Variants in CDH13 observed in about 807,000 individuals in gnomAD.
CDH13 encodes the protein cadherin-13.
Under a neutral mutation model 63.8 loss-of-function variants are expected in CDH13, and 24 were observed. The ratio of observed to expected loss-of-function variants is 0.38; its 90% CI spans 0.27 to 0.53. The LOEUF (loss-of-function observed/expected upper bound fraction) is 0.53. Among genes scored for constraint, CDH13 ranks in the 20% least tolerant of loss-of-function variants. CDH13 has a pLI of 0.85. For synonymous variants in CDH13, 503 were observed against 355.3 expected (o/e 1.42, Z -4.67); for missense variants, 1,049 against 903.1 (o/e 1.16, Z -2.07).
intron 3 of CDH13, among the ~76,000 whole-genome samples, chr16:83,049,144 C>T (rs934361364): frequency 1.3e-5 from 2 of 152,042 alleles, no homozygotes; most frequent in African/African-American, 2.4e-5. Flanking sequence ...TACTTAATTA[C>T]TTTCTAATGT....
chr16:82,749,434 G>A (rs957913465), intron 1 of CDH13, among the ~76,000 whole-genome samples: 1 of 152,204 alleles, frequency 6.6e-6, no homozygotes, highest in Non-Finnish European at 1.5e-5. Flanking sequence ...CGTGACAGGA[G>A]TGGGGCAGGA....
At chr16:82,763,795 A>C (rs1242862630) in intron 1 of CDH13, among the ~76,000 whole-genome samples, 7 of 152,058 alleles carry the variant, frequency 4.6e-5, no homozygotes, top group Non-Finnish European at 8.8e-5. Context: ...TGATCCTCCC[A>C]CCTCAGCCTC....
At chr16:83,433,482 TA>T (rs2072192190) in intron 6 of CDH13, among the ~76,000 whole-genome samples, 1 of 152,216 alleles carries the variant, frequency 6.6e-6, no homozygotes, top group South Asian at 2.1e-4. Flanking sequence ...TGACCCCATG[TA>T]AAGAGCATCA....
At chr16:83,572,318 C>T (rs900176950) in intron 7 of CDH13, among the ~76,000 whole-genome samples, 1 of 152,086 alleles carries the variant, frequency 6.6e-6, no homozygotes, top group Non-Finnish European at 1.5e-5. Flanking sequence ...TCCCGAGTAG[C>T]TGGGAAGAGA....
At chr16:82,788,454 C>G (rs535772383) in intron 1 of CDH13, among the ~76,000 whole-genome samples, 3 of 152,124 alleles carry the variant, frequency 2.0e-5, no homozygotes, top group South Asian at 2.1e-4. Context: ...TGGGCATTTT[C>G]CAGCGTCACT....
intron 3 of CDH13, among the ~76,000 whole-genome samples, chr16:83,087,749 C>G (rs572237602): frequency 8.4e-5 from 12 of 143,038 alleles, no homozygotes; most frequent in African/African-American, 2.8e-4. Context: ...TGTTCTCATA[C>G]TTTCATTGAA....
At chr16:83,042,435 C>T (rs998720702) in intron 3 of CDH13, among the ~76,000 whole-genome samples, 5 of 152,172 alleles carry the variant, frequency 3.3e-5, no homozygotes, top group African/African-American at 1.2e-4. Context: ...GTCACTGTCT[C>T]CCATCACCCC....
At chr16:82,919,937 G>A (rs1252028510) in intron 2 of CDH13, among the ~76,000 whole-genome samples, 1 of 152,206 alleles carries the variant, frequency 6.6e-6, no homozygotes, top group African/African-American at 2.4e-5. Context: ...AACACGTTTT[G>A]TGAATTTTAA....
chr16:82,627,228 T>G, intron 1 of CDH13, 91 bp downstream of exon 1: 2 of 1,117,064 alleles, frequency 1.8e-6, no homozygotes, highest in Non-Finnish European at 2.7e-6. Flanking sequence ...TTTCGGGGGG[T>G]CGGGGCCTCC....
chr16:82,861,690 C>G (rs1019863868), intron 2 of CDH13, among the ~76,000 whole-genome samples: 4 of 152,212 alleles, frequency 2.6e-5, no homozygotes, highest in African/African-American at 9.6e-5. Flanking sequence ...ACATCTTTCT[C>G]TCAGTTGTTC....
At chr16:82,929,591 G>A (rs922504862) in intron 2 of CDH13, among the ~76,000 whole-genome samples, 1 of 139,810 alleles carries the variant, frequency 7.2e-6, no homozygotes, top group Admixed American at 7.8e-5. Context: ...GGCGGAGCTT[G>A]CAGTGAGCAA....
chr16:82,858,647 A>T, intron 2 of CDH13, 174 bp downstream of exon 2: 1 of 646,870 alleles, frequency 1.5e-6, no homozygotes. Context: ...TGGCCAACTT[A>T]GAGGTTAATA....
intron 4 of CDH13, among the ~76,000 whole-genome samples, chr16:83,173,279 C>G (rs143728701): frequency 5.3e-5 from 8 of 152,052 alleles, no homozygotes; most frequent in South Asian, 2.1e-4. Flanking sequence ...GACATTTAAA[C>G]TACTTTATTG....
chr16:83,244,269 G>A (rs1191795944), intron 5 of CDH13, among the ~76,000 whole-genome samples: 1 of 152,032 alleles, frequency 6.6e-6, no homozygotes, highest in Non-Finnish European at 1.5e-5. Flanking sequence ...TGTTGGCACA[G>A]CACTTTGCAA....
intron 1 of CDH13, among the ~76,000 whole-genome samples, chr16:82,752,541 G>A (rs4238722): frequency 0.99 from 150,240 of 152,366 alleles, 74,106 homozygotes; most frequent in Middle Eastern, 1. Context: ...CCCTAACTCT[G>A]AAACATGTGA....
intron 4 of CDH13, among the ~76,000 whole-genome samples, chr16:83,152,305 A>G (rs545076090): frequency 1.3e-5 from 2 of 152,228 alleles, no homozygotes; most frequent in Admixed American, 6.5e-5. Context: ...AATAAGGTGG[A>G]TGTGGACTAC....
At chr16:83,545,877 TATTCATTC>T (rs377509774) in intron 7 of CDH13, among the ~76,000 whole-genome samples, 1 of 152,156 alleles carries the variant, frequency 6.6e-6, no homozygotes, top group Admixed American at 6.6e-5. Flanking sequence ...TCTTTGAGCG[TATTCATTC>T]ATTCATTCAT....
intron 2 of CDH13, among the ~76,000 whole-genome samples, chr16:82,958,110 C>T (rs1906402259): frequency 6.6e-6 from 1 of 152,168 alleles, no homozygotes; most frequent in African/African-American, 2.4e-5. Flanking sequence ...CTGCTGTGTG[C>T]CATACCTAAC....
chr16:83,122,836 T>A (rs1454308792), intron 3 of CDH13, among the ~76,000 whole-genome samples: 1 of 152,142 alleles, frequency 6.6e-6, no homozygotes, highest in African/African-American at 2.4e-5. Context: ...ATGCACACAC[T>A]GTGTAGTGGG....
Sources: allele counts gnomAD v4.1 joint callset (sites outside exome capture counted in the v4.1 genomes callset), GRCh38; gene constraint gnomAD v4.1.1; transcripts MANE v1.5; gene names NCBI Gene and HGNC (gene_info 2026-07-23, HGNC 2026-07-21).